MTA3: variants seen among roughly 807,000 people sequenced by gnomAD.
The protein encoded by MTA3 is metastasis associated 1 family member 3.
MTA3 carries 34 observed loss-of-function variants against 83.5 expected under a neutral mutation model. The ratio of observed to expected loss-of-function variants is 0.41; its 90% confidence interval spans 0.31 to 0.54. MTA3 has a LOEUF of 0.54. Among genes scored for constraint, MTA3 ranks in the 20% least tolerant of loss-of-function variants. The probability of loss-of-function intolerance (pLI) is 0.33; values close to 1 mark genes in which losing one functional copy is unlikely to be tolerated. For synonymous variants in MTA3, 303 were observed against 252.7 expected (o/e 1.20, Z -1.89); for missense variants, 761 against 726.4 (o/e 1.05, Z -0.55).
chr2:42,531,372 A>G (rs1675956786), intron 2 of MTA3, among the ~76,000 whole-genome samples: 1 of 150,582 alleles, frequency 6.6e-6, no homozygotes, highest in Non-Finnish European at 1.5e-5. Context: ...CCAAACTAGT[A>G]TGTAACTATG....
chr2:42,596,488 A>G (rs1681802321), intron 3 of MTA3, among the ~76,000 whole-genome samples: 1 of 152,220 alleles, frequency 6.6e-6, no homozygotes, highest in Admixed American at 6.5e-5. Context: ...TTTGTGTCTC[A>G]TTAACCAGAT....
intron 2 of MTA3, among the ~76,000 whole-genome samples, chr2:42,499,187 G>A (rs1016334829): frequency 2.1e-5 from 3 of 141,358 alleles, no homozygotes; most frequent in African/African-American, 7.9e-5. Context: ...TTTTTTTTGA[G>A]ACGGAGTTTC....
chr2:42,720,674 A>G (rs569153228), intron 15 of MTA3, among the ~76,000 whole-genome samples: 53 of 151,998 alleles, frequency 3.5e-4, no homozygotes, highest in African/African-American at 1.2e-3. Context: ...AAAAAATAGA[A>G]TAGGCCGGGC....
Position 42,685,270 on chromosome 2 carries a change from G to C in MTA3, c.891+2681G>C, listed in dbSNP as rs565366151. On this transcript the variant is annotated intron_variant, in intron 9 of 16. Transcript: ENST00000405094. ...TGTGGTCTAACAAAATTACAGATTT[G>C]TAGCATGGTATATATTAGTTTTTCT... 2.6e-5 allele frequency among the ~76,000 whole-genome samples: 4 copies of C among 152,276 alleles called. No homozygotes were observed. The South Asian group carries it at 8.3e-4, about 32-fold the overall frequency.
chr2:42,593,950 AGTTTTTT>A (rs745990316), intron 3 of MTA3, among the ~76,000 whole-genome samples: 1 of 99,234 alleles, frequency 1.0e-5, no homozygotes, highest in Admixed American at 1.3e-4. Flanking sequence ...TATAGGATTA[AGTTTTTT>A]TTTTTTTTTT....
At chr2:42,509,065 C>T (rs977966010) in intron 2 of MTA3, among the ~76,000 whole-genome samples, 34 of 151,394 alleles carry the variant, frequency 2.2e-4, no homozygotes, top group African/African-American at 4.6e-4. Flanking sequence ...GTTTTTGTGA[C>T]GGAGTCTTGC....
At chr2:42,723,999 A>ATCC (rs1377270546) in intron 16 of MTA3, among the ~76,000 whole-genome samples, 2 of 152,190 alleles carry the variant, frequency 1.3e-5, no homozygotes, top group Non-Finnish European at 2.9e-5. Flanking sequence ...GTGTTAAGAT[A>ATCC]TGGTTGTCAA....
At chr2:42,584,712 A>G (rs1204710835) in intron 3 of MTA3, among the ~76,000 whole-genome samples, 2 of 152,044 alleles carry the variant, frequency 1.3e-5, no homozygotes, top group Non-Finnish European at 2.9e-5. Flanking sequence ...CAACAAAAAG[A>G]AAAGATTAGC....
rs111373479 is a variant in MTA3, at chr2:42,592,612, T to G, written c.190+13412T>G. ...AAAATTCATTTTCACTTTTTAAACT[T>G]TTTTTATTAACAATGAAAACATAAA... On this transcript the variant is annotated intron_variant, in intron 3 of 16. Coordinates refer to ENST00000405094, the MANE Select transcript of MTA3 (RefSeq NM_001330442.2). 6.9e-3 allele frequency among the ~76,000 whole-genome samples: 1,048 copies of G among 152,190 alleles called. 14 individuals carry two copies. Among genetic ancestry groups the G allele is most frequent in the African/African-American group, 0.023 (962 of 41,522 alleles).
chr2:42,523,679 G>A lies in MTA3; in HGVS notation c.-141+28425G>A, dbSNP rs188756632. On this transcript the variant is annotated intron_variant, in intron 2 of 17. Coordinates refer to the MTA3 transcript ENST00000405592. ...TGTAACCCCAGCACTTTGAGAGGCC[G>A]AGGCAGTAGGATCACTTGAGCCCAG... Among the ~76,000 whole-genome samples the A allele has an allele frequency of 4.1e-3, 626 of 152,252 alleles. 4 individuals carry two copies. The highest frequency in any genetic ancestry group is 6.8e-3 in the Middle Eastern group (2 of 294).
intron 16 of MTA3, among the ~76,000 whole-genome samples, chr2:42,738,119 G>C (rs1668741374): frequency 6.6e-6 from 1 of 152,122 alleles, no homozygotes; most frequent in Non-Finnish European, 1.5e-5. Context: ...AAAATTAGCT[G>C]ATCATGGTGG....
In MTA3 at chr2:42,722,885, T is replaced by G. The variant is rs1354378517; in HGVS notation, c.1613-4T>G. The G allele has an allele frequency of 6.4e-7, 1 of 1,550,970 alleles. No homozygotes were observed. The highest frequency in any genetic ancestry group is 8.7e-7 in the Non-Finnish European group (1 of 1,147,022). ...GAATTGAGAAACCTTTTTTCCCCCA[T>G]CAGAGATCCATCCTGCAAAGAAACC... On this transcript the variant is annotated splice_region_variant and splice_polypyrimidine_tract_variant and intron_variant, in intron 15 of 16. Coordinates refer to ENST00000405094, the MANE Select transcript of MTA3 (RefSeq NM_001330442.2).
chr2:42,686,487 G>T (rs1692377570), intron 9 of MTA3, among the ~76,000 whole-genome samples: 1 of 150,444 alleles, frequency 6.6e-6, no homozygotes, highest in African/African-American at 2.5e-5. Context: ...AGGAGTTTAA[G>T]ACCAGCCTGG....
chr2:42,527,824 TAA>T (rs70963324), intron 2 of MTA3, among the ~76,000 whole-genome samples: 1 of 141,906 alleles, frequency 7.0e-6, no homozygotes, highest in African/African-American at 2.6e-5. Context: ...ATCATGTCTT[TAA>T]AAAAAAAAAA....
intron 3 of MTA3, among the ~76,000 whole-genome samples, chr2:42,605,950 G>A (rs1388902281): frequency 2.6e-4 from 1 of 3,806 alleles, no homozygotes; most frequent in Non-Finnish European, 5.6e-4. Flanking sequence ...CCGACGGGGC[G>A]GCTGGCCGGG....
chr2:42,668,664 G>C (rs1690513717), intron 8 of MTA3, among the ~76,000 whole-genome samples: 1 of 152,100 alleles, frequency 6.6e-6, no homozygotes, highest in African/African-American at 2.4e-5. Context: ...TTGATTGTCT[G>C]ATAGGTATTT....
intron 16 of MTA3, among the ~76,000 whole-genome samples, chr2:42,739,210 A>G (rs1397578057): frequency 6.6e-6 from 1 of 152,078 alleles, no homozygotes. Flanking sequence ...GCCCAGCTTT[A>G]AAATTTCTCT....
intron 4 of MTA3, among the ~76,000 whole-genome samples, chr2:42,631,932 C>T (rs1270147941): frequency 5.3e-5 from 8 of 152,076 alleles, no homozygotes; most frequent in Non-Finnish European, 2.9e-5. Context: ...TCAGGTGACC[C>T]ACCCACCTTG....
chr2:42,724,844 G>T (rs1215565898), intron 16 of MTA3, among the ~76,000 whole-genome samples: 1 of 152,190 alleles, frequency 6.6e-6, no homozygotes, highest in Non-Finnish European at 1.5e-5. Flanking sequence ...CCTCTCTAGG[G>T]CTGTTTGTTT....
Sources: gnomAD v4.1 joint callset for allele counts (sites outside exome capture counted in the v4.1 genomes callset) on GRCh38, gnomAD v4.1.1 for gene constraint, MANE v1.5 for transcripts, NCBI Gene and HGNC (gene_info 2026-07-23, HGNC 2026-07-21) for gene names.